The following RADX variants were observed in gnomAD, a reference collection of about 807,000 sequenced individuals.
RADX encodes RPA1 related single stranded DNA binding protein, X-linked, also known as RPA-related protein RADX.
RADX carries 36 observed loss-of-function variants against 61.6 expected under a neutral mutation model. That is an observed-to-expected ratio of 0.58 (90% confidence interval 0.45 to 0.77). The LOEUF (loss-of-function observed/expected upper bound fraction) is 0.77, where lower values mean the gene tolerates loss of function less well. Among genes scored for constraint, RADX ranks in the 30% least tolerant of loss-of-function variants. The pLI is 0.00. For synonymous variants in RADX, 272 were observed against 237.9 expected (o/e 1.14, Z -1.32); for missense variants, 497 against 651.1 (o/e 0.76, Z 2.58).
chrX:106,654,576 C>T (rs1345272616), intron 11 of RADX, among the ~76,000 whole-genome samples: 4 of 111,008 alleles, frequency 3.6e-5, no homozygotes, highest in Non-Finnish European at 7.6e-5. Flanking sequence ...AAACTGGACC[C>T]CTTCCTTACA....
intron 10 of RADX, 123 bp downstream of exon 10, chrX:106,640,844 C>A (rs1927495450): frequency 4.5e-6 from 2 of 448,948 alleles, no homozygotes; most frequent in Non-Finnish European, 7.2e-6. Flanking sequence ...AACAAAATAC[C>A]ACAACTGAGT....
intron 13 of RADX, among the ~76,000 whole-genome samples, chrX:106,675,062 A>AT (rs942304241): frequency 9.1e-6 from 1 of 110,055 alleles, no homozygotes; most frequent in African/African-American, 3.3e-5. Flanking sequence ...CCAGCTTCAT[A>AT]TTTTTTTCCA....
chrX:106,648,722 T>C (rs1927725642), intron 11 of RADX, among the ~76,000 whole-genome samples: 1 of 111,359 alleles, frequency 9.0e-6, no homozygotes. Flanking sequence ...TGTATCTTCT[T>C]TCTTTGCTAT....
chrX:106,672,647 C>T (rs1024621239), intron 13 of RADX, among the ~76,000 whole-genome samples: 18 of 111,649 alleles, frequency 1.6e-4, no homozygotes, highest in African/African-American at 5.9e-4. Context: ...CACCTATGTT[C>T]GCCTTATGCC....
At chrX:106,643,442 G>A (rs752185266) in intron 10 of RADX, among the ~76,000 whole-genome samples, 2 of 111,273 alleles carry the variant, frequency 1.8e-5, no homozygotes, top group Non-Finnish European at 3.8e-5. Context: ...ATGTTTTCCT[G>A]TAGTAGTTTC....
Position 106,633,251 on chromosome X carries a change from A to T in RADX, c.1302A>T (p.Pro434=). The T allele has an allele frequency of 1.7e-6, 2 of 1,193,801 alleles. No individual in the cohort carries two copies. Among genetic ancestry groups the T allele is most frequent in the Non-Finnish European group, 2.3e-6 (2 of 883,336 alleles). The part of the protein sequence containing the change: ...SQPEIFENIY[P]MAYFVCTQLK... ...CAGAAATCTTTGAAAATATTTACCC[A>T]AGTAAGCGATTTTTAATATTTTTAT... The change falls in exon 6 of 14, where the codon CCA becomes CCT. Residue 434 remains proline (P), a splice_region_variant and synonymous_variant. Coordinates refer to ENST00000372548, the MANE Select transcript of RADX (RefSeq NM_018015.6).
chrX:106,631,802 G>GAAAGAAGA (rs1556295889), intron 3 of RADX, among the ~76,000 whole-genome samples: 1 of 100,988 alleles, frequency 9.9e-6, no homozygotes, highest in African/African-American at 3.7e-5. Context: ...GAGAAAGAAA[G>GAAAGAAGA]AAGAAAGAAA....
intron 2 of RADX, among the ~76,000 whole-genome samples, chrX:106,624,519 A>C (rs1373441591): frequency 8.9e-6 from 1 of 111,754 alleles, no homozygotes; most frequent in Non-Finnish European, 1.9e-5. Context: ...CATCTGTAAA[A>C]TATGGATACT....
At chrX:106,657,566 G>C (rs1294230142) in intron 11 of RADX, among the ~76,000 whole-genome samples, 2 of 111,622 alleles carry the variant, frequency 1.8e-5, no homozygotes, top group African/African-American at 3.3e-5. Context: ...TCTAGCTTTT[G>C]ATTTGAAATG....
Position 106,625,099 on chromosome X carries a change from G to A in RADX, c.796G>A (p.Glu266Lys), listed in dbSNP as rs772593826. ...KMIEPYQTFLEVADSSGTVSV... is the reference protein window; with the variant it reads ...KMIEPYQTFLKVADSSGTVSV... ...CTCATTTTCTTTCTAGACCTTTTTG[G>A]AAGTTGCTGACAGTTCAGGCACAGT... is the stretch of plus-strand genomic sequence containing the variant. The change falls in exon 3 of 14, where the codon GAA becomes AAA. Residue 266 changes from glutamate to lysine, a missense_variant. Coordinates refer to ENST00000372548, the MANE Select transcript of RADX (RefSeq NM_018015.6). 1 of 1,175,072 alleles carries A rather than the reference G, an allele frequency of 8.5e-7. No individual in the cohort carries two copies. The highest frequency in any genetic ancestry group is 3.0e-5 in the East Asian group (1 of 32,992).
At chrX:106,632,238 C>G (rs1367547025) in intron 3 of RADX, among the ~76,000 whole-genome samples, 1 of 111,887 alleles carries the variant, frequency 8.9e-6, no homozygotes, top group Non-Finnish European at 1.9e-5. Flanking sequence ...GACAAGAAAA[C>G]TGCTACATGC....
intron 3 of RADX, 55 bp downstream of exon 3, chrX:106,625,337 C>T: frequency 1.2e-6 from 1 of 859,437 alleles, no homozygotes; most frequent in Non-Finnish European, 1.6e-6. Flanking sequence ...TATAAATTTG[C>T]AATGTACCAT....
At chrX:106,621,268 A>G (rs915621600) in intron 1 of RADX, among the ~76,000 whole-genome samples, 2 of 112,315 alleles carry the variant, frequency 1.8e-5, no homozygotes, top group African/African-American at 6.5e-5. Context: ...AATACTAAAA[A>G]TTGTGTGTGT....
At chrX:106,623,382 AT>A (rs1926999951) in intron 2 of RADX, among the ~76,000 whole-genome samples, 4 of 111,288 alleles carry the variant, frequency 3.6e-5, no homozygotes, top group Middle Eastern at 4.7e-3. Context: ...TTTGTGTTCT[AT>A]TTTTTTCTTA....
Position 106,631,792 on chromosome X carries a change from G to C in RADX, c.980-833G>C, listed in dbSNP as rs773279153. On this transcript the variant is annotated intron_variant, in intron 3 of 13. Coordinates refer to ENST00000372548, the MANE Select transcript of RADX (RefSeq NM_018015.6). ...AGAGAGAAAGAAAGAAGAAAAGAAA[G>C]AGAAAGAAAGAAGAAAGAAAGAGAA... Among the ~76,000 whole-genome samples the C allele has an allele frequency of 1.7e-4, 17 of 100,320 alleles. No homozygotes were observed. In the East Asian group the frequency reaches 4.9e-3, roughly 29 times the overall value. 87.1% of individuals were successfully genotyped at this position (100,320 alleles called of 115,157 possible). A position where few individuals can be genotyped will look rare whatever the true frequency, so the allele number is the denominator to read the frequency against.
intron 13 of RADX, among the ~76,000 whole-genome samples, chrX:106,677,648 T>C (rs1472432982): frequency 9.0e-6 from 1 of 111,439 alleles, no homozygotes; most frequent in Non-Finnish European, 1.9e-5. Flanking sequence ...CAGTTACACA[T>C]ATACACATAT....
At chrX:106,623,746 G>C (rs978149634) in intron 2 of RADX, among the ~76,000 whole-genome samples, 6 of 111,095 alleles carry the variant, frequency 5.4e-5, no homozygotes, top group African/African-American at 2.0e-4. Context: ...TACAAAATGG[G>C]AACCATATTG....
Position 106,612,039 on chromosome X carries a change from A to G in RADX, c.-42A>G. 1 of 1,172,098 alleles carries G rather than the reference A, an allele frequency of 8.5e-7. No homozygotes were observed. Among genetic ancestry groups the G allele is most frequent in the Non-Finnish European group, 1.1e-6 (1 of 875,240 alleles). ...ATTTCTCTCCGCTTTGGACGGGGCA[A>G]ACTAGCTTTTGGGAGTGAAGCGGGT... is the stretch of plus-strand genomic sequence containing the variant. On this transcript the variant is annotated 5_prime_UTR_variant, in exon 1 of 14. Coordinates refer to ENST00000372548, the MANE Select transcript of RADX (RefSeq NM_018015.6).
chrX:106,623,411 C>T (rs1198503019), intron 2 of RADX, among the ~76,000 whole-genome samples: 1 of 111,371 alleles, frequency 9.0e-6, no homozygotes, highest in African/African-American at 3.3e-5. Flanking sequence ...TTATATTGTA[C>T]TTTCCCATGA....
Sources: gnomAD v4.1 joint callset for allele counts (sites outside exome capture counted in the v4.1 genomes callset) on GRCh38, gnomAD v4.1.1 for gene constraint, MANE v1.5 for transcripts, NCBI Gene and HGNC (gene_info 2026-07-23, HGNC 2026-07-21) for gene names.